Variants in HIVEP3 observed in about 807,000 individuals in gnomAD.
The protein encoded by HIVEP3 is HIVEP zinc finger 3.
A neutral mutation model predicts 152.8 loss-of-function variants in HIVEP3; 49 were observed. That is an observed-to-expected ratio of 0.32 (90% CI 0.26 to 0.41). The LOEUF is 0.41. Ranked by LOEUF, HIVEP3 falls within the 10% of genes least tolerant of loss-of-function variation. HIVEP3 has a pLI of 1.00. For synonymous variants in HIVEP3, 1,269 were observed against 1,289.0 expected (o/e 0.98, Z 0.33); for missense variants, 2,790 against 3,103.3 (o/e 0.90, Z 2.40).
intron 1 of HIVEP3, among the ~76,000 whole-genome samples, chr1:41,911,916 C>T (rs983080497): frequency 3.9e-5 from 6 of 152,094 alleles, no homozygotes; most frequent in East Asian, 1.9e-4. Flanking sequence ...CTGGGAAAGA[C>T]CCAGGTAAGC....
intron 2 of HIVEP3, among the ~76,000 whole-genome samples, chr1:41,671,570 G>T (rs1250753221): frequency 1.3e-5 from 2 of 152,228 alleles, no homozygotes; most frequent in Non-Finnish European, 2.9e-5. Context: ...CATCTACAGA[G>T]TCCTATAGCT....
In HIVEP3 at chr1:41,662,419, G is replaced by T. The variant is rs1403021235; in HGVS notation, c.-720-33472C>A. ...TTGGGCAGTGATGTCAGGGGAAGTCGCAGGGGCCGGACCACCCACTTCTTT... is the reference window on the plus strand; with the variant it reads ...TTGGGCAGTGATGTCAGGGGAAGTCTCAGGGGCCGGACCACCCACTTCTTT... On this transcript the variant is annotated intron_variant, in intron 2 of 8. Transcript: ENST00000372583. The surrounding 1 kb of genome is among the most constrained non-coding windows in gnomAD (Gnocchi z 7.2). 1.3e-5 allele frequency: 2 copies of T among 150,712 alleles called. No homozygotes were observed. Among genetic ancestry groups the T allele is most frequent in the Non-Finnish European group, 3.0e-5 (2 of 67,652 alleles). 9.3% of individuals were successfully genotyped at this position (150,712 alleles called of 1,614,324 possible).
intron 1 of HIVEP3, among the ~76,000 whole-genome samples, chr1:41,985,526 T>C (rs1645317312): frequency 6.6e-6 from 1 of 152,176 alleles, no homozygotes; most frequent in African/African-American, 2.4e-5. Flanking sequence ...CTTATAGGTG[T>C]CTCTTCTTAT....
intron 3 of HIVEP3, among the ~76,000 whole-genome samples, chr1:41,611,834 C>T (rs1222150165): frequency 1.3e-5 from 2 of 152,208 alleles, no homozygotes; most frequent in South Asian, 2.1e-4. Flanking sequence ...GGGGACCTTT[C>T]CCGCCCTGAC....
intron 1 of HIVEP3, among the ~76,000 whole-genome samples, chr1:41,826,402 T>A (rs1371123818): frequency 6.6e-6 from 1 of 152,194 alleles, no homozygotes; most frequent in Non-Finnish European, 1.5e-5. Flanking sequence ...TGAGATGCCC[T>A]GGGTGTTTTG....
intron 5 of HIVEP3, among the ~76,000 whole-genome samples, chr1:41,572,439 G>A (rs559243118): frequency 5.3e-5 from 8 of 152,046 alleles, no homozygotes; most frequent in East Asian, 1.9e-4. Context: ...CTCTGGGCCC[G>A]GCCCCACCCA....
At chr1:41,717,303 T>C (rs1050132291) in intron 1 of HIVEP3, among the ~76,000 whole-genome samples, 8 of 152,256 alleles carry the variant, frequency 5.3e-5, no homozygotes, top group Non-Finnish European at 1.2e-4. Context: ...TGTCAGGCGC[T>C]ATTCTAGGCG....
intron 5 of HIVEP3, among the ~76,000 whole-genome samples, chr1:41,563,305 C>T (rs987740209): frequency 1.3e-5 from 2 of 151,758 alleles, no homozygotes; most frequent in Non-Finnish European, 2.9e-5. Context: ...TGTGATCATG[C>T]CACTGCACTC....
At chr1:41,722,403 G>GCTTTCCTTCCTT (rs1646686794) in intron 1 of HIVEP3, among the ~76,000 whole-genome samples, 1 of 112,974 alleles carries the variant, frequency 8.9e-6, no homozygotes, top group African/African-American at 3.6e-5. Flanking sequence ...AATTTGGCTG[G>GCTTTCCTTCCTT]CCTTCCTTCC....
intron 1 of HIVEP3, among the ~76,000 whole-genome samples, chr1:42,009,703 C>T (rs2124528781): frequency 6.6e-6 from 1 of 152,254 alleles, no homozygotes; most frequent in Middle Eastern, 3.4e-3. Context: ...TCCTGCTTGG[C>T]ACTCAGTGGG....
intron 1 of HIVEP3, among the ~76,000 whole-genome samples, chr1:41,846,418 T>C (rs559774550): frequency 2.6e-4 from 40 of 152,368 alleles, no homozygotes; most frequent in Admixed American, 7.2e-4. Flanking sequence ...ATTTTTCATT[T>C]AATAGATTTC....
chr1:41,538,215 G>C (rs1189745391), intron 5 of HIVEP3, among the ~76,000 whole-genome samples: 1 of 152,140 alleles, frequency 6.6e-6, no homozygotes, highest in African/African-American at 2.4e-5. Context: ...ATGAGTCTCC[G>C]CCTGAGTGCA....
chr1:41,575,469 G>A lies in HIVEP3; in HGVS notation c.5207+75C>T. On this transcript the variant is annotated intron_variant, in intron 5 of 8. Coordinates refer to ENST00000372583, the MANE Select transcript of HIVEP3 (RefSeq NM_024503.5). The stretch of plus-strand genomic sequence containing the variant: ...CAGAGCCCTTGCCAACTGAGCCACT[G>A]CTGCCCGTGAACACCAATGGGCACC... The A allele has an allele frequency of 4.6e-6, 7 of 1,530,754 alleles. No homozygotes were observed. In the South Asian group the frequency reaches 8.5e-5, roughly 19 times the overall value. 94.8% of individuals were successfully genotyped at this position (1,530,754 alleles called of 1,614,324 possible).
intron 1 of HIVEP3, among the ~76,000 whole-genome samples, chr1:41,979,879 A>G (rs1198884811): frequency 6.6e-6 from 1 of 152,266 alleles, no homozygotes; most frequent in African/African-American, 2.4e-5. Flanking sequence ...GTCTGCTACT[A>G]GTTATGGGAG....
At chr1:41,698,230 C>A (rs1570341950) in intron 2 of HIVEP3, among the ~76,000 whole-genome samples, 1 of 152,242 alleles carries the variant, frequency 6.6e-6, no homozygotes, top group East Asian at 1.9e-4. Context: ...CCTCTATGGT[C>A]CCATAGCACT....
intron 1 of HIVEP3, among the ~76,000 whole-genome samples, chr1:41,718,453 C>A (rs1318533545): frequency 2.6e-5 from 4 of 152,240 alleles, no homozygotes; most frequent in Non-Finnish European, 5.9e-5. Flanking sequence ...CTTAGCATGG[C>A]AAATGCTTCT....
At chr1:41,545,533 TCAC>T (rs1371642687) in intron 5 of HIVEP3, among the ~76,000 whole-genome samples, 19 of 48,122 alleles carry the variant, frequency 3.9e-4, no homozygotes, top group Non-Finnish European at 3.2e-4. Context: ...ACCACTACCA[TCAC>T]CACCACCACC....
At chr1:41,860,730 T>A (rs1410354971) in intron 1 of HIVEP3, among the ~76,000 whole-genome samples, 1 of 152,126 alleles carries the variant, frequency 6.6e-6, no homozygotes, top group East Asian at 1.9e-4. Flanking sequence ...ATTGTTGGAG[T>A]TTCCTGCTGG....
intron 1 of HIVEP3, among the ~76,000 whole-genome samples, chr1:42,004,443 C>T (rs956165833): frequency 1.3e-5 from 2 of 151,966 alleles, no homozygotes; most frequent in Non-Finnish European, 2.9e-5. Flanking sequence ...TGTATATCAC[C>T]GTCTTTCCAA....
Sources: gnomAD v4.1 joint callset for allele counts (sites outside exome capture counted in the v4.1 genomes callset) on GRCh38, gnomAD v4.1.1 for gene constraint, Gnocchi (gnomAD v3.1) non-coding constraint, MANE v1.5 for transcripts, NCBI Gene and HGNC (gene_info 2026-07-23, HGNC 2026-07-21) for gene names.